MAGI1: variants seen among roughly 807,000 people sequenced by gnomAD.
The protein encoded by MAGI1 is membrane associated guanylate kinase, WW and PDZ domain containing 1.
MAGI1 carries 58 observed loss-of-function variants against 139.9 expected under a neutral mutation model. That is an observed-to-expected ratio of 0.41 (90% CI 0.34 to 0.52). MAGI1 has a LOEUF of 0.52. Ranked by LOEUF, MAGI1 falls within the 20% of genes least tolerant of loss-of-function variation. The probability of loss-of-function intolerance (pLI) is 0.12; values close to 1 mark genes in which losing one functional copy is unlikely to be tolerated. For synonymous variants in MAGI1, 812 were observed against 737.9 expected (o/e 1.10, Z -1.63); for missense variants, 1,874 against 1,901.6 (o/e 0.99, Z 0.27).
chr3:65,989,903 A>C (rs979982458), intron 1 of MAGI1, among the ~76,000 whole-genome samples: 24 of 152,222 alleles, frequency 1.6e-4, no homozygotes, highest in African/African-American at 5.8e-4. Context: ...GGGGAAAGTT[A>C]GCTGTCATAT....
At chr3:65,660,366 T>G (rs934885119) in intron 1 of MAGI1, among the ~76,000 whole-genome samples, 1 of 152,236 alleles carries the variant, frequency 6.6e-6, no homozygotes, top group East Asian at 1.9e-4. Flanking sequence ...ATAATCACAA[T>G]AGTGGTGAAC....
rs76267087 is a variant in MAGI1 at position 65,885,837 on chromosome 3, G to A, written c.313+152159C>T. Among the ~76,000 whole-genome samples, 314 of 152,226 alleles carry A rather than the reference G, an allele frequency of 2.1e-3. 2 individuals are homozygous for A. The highest frequency in any genetic ancestry group is 3.6e-3 in the Non-Finnish European group (247 of 68,012). On this transcript the variant is annotated intron_variant, in intron 1 of 22. Coordinates refer to ENST00000402939, the MANE Select transcript of MAGI1 (RefSeq NM_001033057.2). ...ATGTGTGTACTAGCAGCGTGAGAAC[G>A]AACTAACACAGTACGAAATGGTTAT...
At chr3:65,696,493 A>C (rs1459375808) in intron 1 of MAGI1, among the ~76,000 whole-genome samples, 1 of 152,150 alleles carries the variant, frequency 6.6e-6, no homozygotes, top group East Asian at 1.9e-4. Flanking sequence ...GTCCCCATTA[A>C]ATATTTGTTG....
intron 8 of MAGI1, among the ~76,000 whole-genome samples, chr3:65,441,566 AG>A (rs1948330218): frequency 6.6e-6 from 1 of 152,206 alleles, no homozygotes. Context: ...CACCCATAAA[AG>A]CTTTTGTCAT....
At chr3:65,752,551 A>G (rs34224163) in intron 1 of MAGI1, among the ~76,000 whole-genome samples, 50,292 of 152,088 alleles carry the variant, frequency 0.33, 9,005 homozygotes, top group East Asian at 0.6. Flanking sequence ...TCAGAGGTAT[A>G]ATTTCTAAGC....
chr3:66,037,041 G>A (rs979357293), intron 1 of MAGI1, among the ~76,000 whole-genome samples: 1 of 152,074 alleles, frequency 6.6e-6, no homozygotes, highest in African/African-American at 2.4e-5. Flanking sequence ...GTGCGGTAGG[G>A]TCATCCCCCC....
chr3:65,652,415 G>A (rs2085636376), intron 1 of MAGI1, among the ~76,000 whole-genome samples: 1 of 152,108 alleles, frequency 6.6e-6, no homozygotes, highest in African/African-American at 2.4e-5. Context: ...GGGAGAAGGG[G>A]GTCTTGCTCA....
intron 1 of MAGI1, among the ~76,000 whole-genome samples, chr3:65,886,955 C>T (rs1185766239): frequency 6.6e-6 from 1 of 152,148 alleles, no homozygotes; most frequent in African/African-American, 2.4e-5. Context: ...TGGGTATACA[C>T]CACTGTCATT....
chr3:65,731,260 T>C (rs2034158519), intron 1 of MAGI1, among the ~76,000 whole-genome samples: 1 of 152,128 alleles, frequency 6.6e-6, no homozygotes, highest in African/African-American at 2.4e-5. Context: ...ATGTCAGACA[T>C]ACATAAAAGG....
At chr3:65,580,090 C>A (rs1447655945) in intron 2 of MAGI1, among the ~76,000 whole-genome samples, 1 of 151,982 alleles carries the variant, frequency 6.6e-6, no homozygotes, top group Non-Finnish European at 1.5e-5. Flanking sequence ...ATTTCCTGAA[C>A]AAGTTTTAAA....
intron 1 of MAGI1, among the ~76,000 whole-genome samples, chr3:65,924,441 C>T: frequency 6.6e-6 from 1 of 152,168 alleles, no homozygotes; most frequent in Admixed American, 6.5e-5. Context: ...GAATTTCTAG[C>T]ATCAAACCAA....
At chr3:65,458,578 T>G (rs1949555981) in intron 5 of MAGI1, among the ~76,000 whole-genome samples, 1 of 152,168 alleles carries the variant, frequency 6.6e-6, no homozygotes, top group East Asian at 1.9e-4. Context: ...TGAGCACCTT[T>G]TCACATATCT....
At chr3:65,361,367 T>C (rs1168404924) in intron 21 of MAGI1, 30 bp from the exon 22 acceptor site, 22 of 1,610,458 alleles carry the variant, frequency 1.4e-5, no homozygotes, top group Non-Finnish European at 1.9e-5. Context: ...CTAAGTGAGA[T>C]TTGAAATTCA....
chr3:65,892,325 T>A (rs1487068806), intron 1 of MAGI1, among the ~76,000 whole-genome samples: 1 of 152,158 alleles, frequency 6.6e-6, no homozygotes, highest in African/African-American at 2.4e-5. Flanking sequence ...AACTTAGTTA[T>A]GATCGTCTAT....
chr3:65,959,997 C>T (rs986386760), intron 1 of MAGI1, among the ~76,000 whole-genome samples: 1 of 151,170 alleles, frequency 6.6e-6, no homozygotes, highest in Non-Finnish European at 1.5e-5. Flanking sequence ...TTAGTAGAGA[C>T]AGGGTTTTAC....
intron 1 of MAGI1, among the ~76,000 whole-genome samples, chr3:65,878,928 A>G (rs1413140057): frequency 3.3e-5 from 5 of 152,124 alleles, no homozygotes; most frequent in Non-Finnish European, 7.4e-5. Flanking sequence ...TTCCTTCTCC[A>G]AGGCCTTCCT....
At chr3:66,034,898 G>C (rs570904185) in intron 1 of MAGI1, among the ~76,000 whole-genome samples, 1 of 152,084 alleles carries the variant, frequency 6.6e-6, no homozygotes, top group Non-Finnish European at 1.5e-5. Flanking sequence ...TATGGTGCAG[G>C]GGGAGGGGGG....
chr3:65,923,476 C>T (rs964573995), intron 1 of MAGI1, among the ~76,000 whole-genome samples: 2 of 152,198 alleles, frequency 1.3e-5, no homozygotes, highest in Admixed American at 6.5e-5. Flanking sequence ...CCGCCCACCT[C>T]GGCCTCCCAA....
intron 1 of MAGI1, among the ~76,000 whole-genome samples, chr3:65,950,078 CAAAAAAAAAAACAAACAAAAAAAAAAAA>C (rs2063744627): frequency 0.01 from 418 of 40,344 alleles, 29 homozygotes; most frequent in African/African-American, 0.06. Flanking sequence ...AAAAAAAAAA[CAAAAAAAAAAACAAACAAAAAAAAAAAA>C]CAGAACTAGC....
Sources: gnomAD v4.1 joint callset for allele counts (sites outside exome capture counted in the v4.1 genomes callset) on GRCh38, gnomAD v4.1.1 for gene constraint, MANE v1.5 for transcripts, NCBI Gene and HGNC (gene_info 2026-07-23, HGNC 2026-07-21) for gene names.